Variants in NKAIN4 observed in about 807,000 individuals in gnomAD.
The protein encoded by NKAIN4 is sodium/potassium transporting ATPase interacting 4.
Under a neutral mutation model 28.8 loss-of-function variants are expected in NKAIN4, and 28 were observed. The observed-to-expected ratio is 0.97, with a 90% confidence interval of 0.72 to 1.33. The LOEUF (loss-of-function observed/expected upper bound fraction) is 1.33. NKAIN4 is among the 40% of genes most tolerant of loss of function. NKAIN4 has a pLI of 0.00. For missense variants in NKAIN4, 289 were observed against 277.2 expected (o/e 1.04, Z -0.30); for synonymous variants, 122 against 115.6 (o/e 1.06, Z -0.36).
Position 63,251,501 on chromosome 20 carries a change from G to A in NKAIN4, c.55-1429C>T, listed in dbSNP as rs573900478. 2.9e-3 allele frequency among the ~76,000 whole-genome samples: 441 copies of A among 152,274 alleles called. 3 individuals are homozygous for A. The highest frequency in any genetic ancestry group is 3.1e-3 in the Non-Finnish European group (212 of 68,018). On this transcript the variant is annotated intron_variant, in intron 1 of 6. Transcript: ENST00000370316. ...GACACTGAGGCTACCGCTAGACCACGGTCCGCTTGGCAACGGGCGTCTTCC... is the reference window on the plus strand; with the variant it reads ...GACACTGAGGCTACCGCTAGACCACAGTCCGCTTGGCAACGGGCGTCTTCC...
rs2066982037 is a variant in NKAIN4, at chr20:63,252,677, C to G, written c.54+1720G>C. Reference sequence around the variant, plus strand: ...AGAGGCTGGCCCTGAGAGGACACGGCTCTGCCCAGTCCCTGGAGAGTCCCC... The same window carrying G: ...AGAGGCTGGCCCTGAGAGGACACGGGTCTGCCCAGTCCCTGGAGAGTCCCC... On this transcript the variant is annotated intron_variant, in intron 1 of 6. Coordinates refer to ENST00000370316, the MANE Select transcript of NKAIN4 (RefSeq NM_152864.4). The surrounding 1 kb of genome is among the most constrained non-coding windows in gnomAD (Gnocchi z 4.6). 6.6e-6 allele frequency among the ~76,000 whole-genome samples: 1 copy of G among 152,190 alleles called. No homozygotes were observed. The highest frequency in any genetic ancestry group is 2.4e-5 in the African/African-American group (1 of 41,448).
In NKAIN4 at chr20:63,240,952, C is replaced by T. The variant is rs1489500405; in HGVS notation, c.*545G>A. 1.9e-5 allele frequency: 3 copies of T among 157,930 alleles called. No homozygotes were observed. The highest frequency in any genetic ancestry group is 4.2e-5 in the Non-Finnish European group (3 of 71,532). The allele number at this position is 157,930 out of a possible 1,614,324, so 9.8% of individuals were successfully genotyped here. A position where few individuals can be genotyped will look rare whatever the true frequency, so the allele number is the denominator to read the frequency against. Reference sequence around the variant, plus strand: ...GCTGTTCCTGGTCAAGCCCAGCCCCCACCCTAGGGCTCCATCAGCCTCAGC... The same window carrying T: ...GCTGTTCCTGGTCAAGCCCAGCCCCTACCCTAGGGCTCCATCAGCCTCAGC... On this transcript the variant is annotated 3_prime_UTR_variant, in exon 7 of 7. Coordinates refer to ENST00000370316, the MANE Select transcript of NKAIN4 (RefSeq NM_152864.4).
chr20:63,253,276 G>C (rs1305113680), intron 1 of NKAIN4: 1 of 985,416 alleles, frequency 1.0e-6, no homozygotes, highest in East Asian at 1.1e-4. Flanking sequence ...GCCTGTTGCA[G>C]GACCTCAGGT....
At chr20:63,244,393 G>A (rs1034214450) in intron 4 of NKAIN4, 1 of 518,704 alleles carries the variant, frequency 1.9e-6, no homozygotes, top group African/African-American at 1.9e-5. Context: ...AGGGAGCGGG[G>A]TGAGGACACA....
rs538599450 is a variant in NKAIN4 at position 63,241,397 on chromosome 20, C to G, written c.*100G>C. On this transcript the variant is annotated 3_prime_UTR_variant, in exon 7 of 7. Transcript: ENST00000370316. The stretch of plus-strand genomic sequence containing the variant: ...GGTGCTGCCGGCCGCCTGGGGGGTG[C>G]TGGGTGGGGGCGCGTCCCAAGGCCT... 37 of 1,327,022 alleles carry G rather than the reference C, an allele frequency of 2.8e-5. No homozygotes were observed. The South Asian group carries it at 4.7e-4, about 17-fold the overall frequency. 82.2% of individuals were successfully genotyped at this position (1,327,022 alleles called of 1,614,324 possible).
At position 63,241,368 on chromosome 20, in the gene NKAIN4, G is replaced by A. The variant is rs1451664702; in HGVS notation, c.*129C>T. On this transcript the variant is annotated 3_prime_UTR_variant, in exon 7 of 7. Coordinates refer to ENST00000370316, the MANE Select transcript of NKAIN4 (RefSeq NM_152864.4). ...CTGGTGTCCAGTACTTAGAACCCAG[G>A]GCAGGTGCTGCCGGCCGCCTGGGGG... 2.2e-6 allele frequency: 2 copies of A among 910,072 alleles called. No homozygotes were observed. Among genetic ancestry groups the A allele is most frequent in the Non-Finnish European group, 1.8e-6 (1 of 568,530 alleles). 56.4% of individuals were successfully genotyped at this position (910,072 alleles called of 1,614,324 possible). A position where few individuals can be genotyped will look rare whatever the true frequency, so the allele number is the denominator to read the frequency against.
At chr20:63,244,158 C>T (rs1183389412) in intron 4 of NKAIN4, 74 bp from the exon 5 acceptor site, 39 of 1,388,048 alleles carry the variant, frequency 2.8e-5, no homozygotes, top group South Asian at 4.8e-5. Flanking sequence ...CGATGTGGGC[C>T]GAAGCACTGG....
intron 3 of NKAIN4, chr20:63,248,380 CT>C: frequency 5.3e-6 from 1 of 188,896 alleles, no homozygotes; most frequent in Non-Finnish European, 1.1e-5. Context: ...CAGCGATGGC[CT>C]TTTCCCACCC....
rs1326889165 is a variant in NKAIN4 at position 63,245,940 on chromosome 20, T to A, written c.471+1638A>T. ...CATTCCCCTCAAGCTTCCTTTTTTT[T>A]TTTTTGAGACAGAGTCTCGCTCTGT... On this transcript the variant is annotated intron_variant, in intron 4 of 6. Coordinates refer to ENST00000370316, the MANE Select transcript of NKAIN4 (RefSeq NM_152864.4). The surrounding 1 kb of genome is among the most constrained non-coding windows in gnomAD (Gnocchi z 4.7). Among the ~76,000 whole-genome samples the A allele has an allele frequency of 4.0e-5, 6 of 151,422 alleles. No homozygotes were observed. Among genetic ancestry groups the A allele is most frequent in the Non-Finnish European group, 7.4e-5 (5 of 67,760 alleles).
upstream of NKAIN4, chr20:63,254,557 C>A (rs1385920599): frequency 6.1e-6 from 5 of 813,660 alleles, no homozygotes; most frequent in East Asian, 1.4e-4. Flanking sequence ...CTCCGCATCC[C>A]GTTCCCCCCT....
Position 63,254,324 on chromosome 20 carries a change from C to T in NKAIN4, c.54+73G>A, listed in dbSNP as rs1479419541. The T allele has an allele frequency of 8.0e-6, 10 of 1,251,400 alleles. No individual in the cohort carries two copies. In the East Asian group the frequency reaches 2.2e-4, roughly 28 times the overall value. The allele number at this position is 1,251,400 out of a possible 1,614,324, so 77.5% of individuals were successfully genotyped here. ...GAACGGGCCCCGGGGCGGAGGGACG[C>T]TTCGGGACCCCACAGCCGCCGTGGG... On this transcript the variant is annotated intron_variant, in intron 1 of 6. Coordinates refer to ENST00000370316, the MANE Select transcript of NKAIN4 (RefSeq NM_152864.4).
chr20:63,247,733 AG>A lies in NKAIN4; in HGVS notation c.315del (p.Trp106GlyfsTer50). On this transcript the variant is annotated frameshift_variant, in exon 4 of 7. Transcript: ENST00000370316. LOFTEE classifies it high-confidence loss of function. ...CAGCCTGGCCAGCGCTCACGCCACCAGGAGCGATGCCGGGAGAGGCTGAAGG... is the reference window on the plus strand; with the variant it reads ...CAGCCTGGCCAGCGCTCACGCCACCAGAGCGATGCCGGGAGAGGCTGAAGG... The part of the protein sequence containing the change: ...LLTFSLSRHR[S>X]WWRERWPGCL... The A allele has an allele frequency of 6.7e-7, 1 of 1,493,064 alleles. No homozygotes were observed. The highest frequency in any genetic ancestry group is 8.9e-7 in the Non-Finnish European group (1 of 1,117,518). 92.5% of individuals were successfully genotyped at this position (1,493,064 alleles called of 1,614,324 possible). A position where few individuals can be genotyped will look rare whatever the true frequency, so the allele number is the denominator to read the frequency against.
At chr20:63,243,365 G>A (rs540209718) in intron 5 of NKAIN4, among the ~76,000 whole-genome samples, 3 of 152,146 alleles carry the variant, frequency 2.0e-5, no homozygotes, top group African/African-American at 7.2e-5. Flanking sequence ...GAGTCCTGGG[G>A]ACAGATGGTT....
At position 63,241,061 on chromosome 20, in the gene NKAIN4, G is replaced by A. The variant is rs2066741391; in HGVS notation, c.*436C>T. 1 of 189,810 alleles carries A rather than the reference G, an allele frequency of 5.3e-6. No homozygotes were observed. The highest frequency in any genetic ancestry group is 2.4e-5 in the African/African-American group (1 of 41,742). 11.8% of individuals were successfully genotyped at this position (189,810 alleles called of 1,614,324 possible). A position where few individuals can be genotyped will look rare whatever the true frequency, so the allele number is the denominator to read the frequency against. On this transcript the variant is annotated 3_prime_UTR_variant, in exon 7 of 7. Transcript: ENST00000370316. ...CAACAGGGGCCCTCACCGCTTGAGGGGTCTCGGGCCTCACATTGACTTCCT... is the reference window on the plus strand; with the variant it reads ...CAACAGGGGCCCTCACCGCTTGAGGAGTCTCGGGCCTCACATTGACTTCCT...
At chr20:63,251,882 G>A (rs1181250795) in intron 1 of NKAIN4, among the ~76,000 whole-genome samples, 1 of 152,092 alleles carries the variant, frequency 6.6e-6, no homozygotes, top group Non-Finnish European at 1.5e-5. Flanking sequence ...TTAGTCTCAG[G>A]CCTCCCCATC....
intron 6 of NKAIN4, 42 bp downstream of exon 6, chr20:63,242,497 G>T: frequency 6.9e-7 from 1 of 1,444,180 alleles, no homozygotes; most frequent in Non-Finnish European, 9.7e-7. Context: ...GGGCCAGATT[G>T]GCCAGGCTGG....
intron 3 of NKAIN4, 55 bp downstream of exon 3, chr20:63,248,760 G>T: frequency 8.4e-7 from 1 of 1,186,588 alleles, no homozygotes. Context: ...TGTTACCAGG[G>T]GCCCGGCCCA....
chr20:63,254,749 T>A, upstream of NKAIN4: 2 of 257,986 alleles, frequency 7.8e-6, no homozygotes, highest in South Asian at 1.7e-4. Context: ...AGGACAGACC[T>A]GCAGCTGAGG....
At chr20:63,253,322 G>C (rs2295538) in intron 1 of NKAIN4, 13 of 985,176 alleles carry the variant, frequency 1.3e-5, no homozygotes, top group Non-Finnish European at 1.6e-5. Flanking sequence ...CCAGGAAAGC[G>C]CCGGAAGCTC....
Sources: allele counts gnomAD v4.1 joint callset (sites outside exome capture counted in the v4.1 genomes callset), GRCh38; gene constraint gnomAD v4.1.1; non-coding constraint Gnocchi (gnomAD v3.1); transcripts MANE v1.5; gene names NCBI Gene and HGNC (gene_info 2026-07-23, HGNC 2026-07-21).